The following WDFY3 variants were observed in gnomAD, a reference collection of about 807,000 sequenced individuals.
WDFY3 encodes the protein WD repeat and FYVE domain containing 3, also known as WD repeat and FYVE domain-containing protein 3.
A neutral mutation model predicts 409.6 loss-of-function variants in WDFY3; 66 were observed. The ratio of observed to expected loss-of-function variants is 0.16; its 90% CI spans 0.13 to 0.20. The LOEUF (loss-of-function observed/expected upper bound fraction) is 0.20. Ranked by LOEUF, WDFY3 falls within the 10% of genes least tolerant of loss-of-function variation. The pLI is 1.00. For missense variants in WDFY3, 3,031 were observed against 4,298.1 expected, an observed-to-expected ratio of 0.71 and a Z score of 8.24; for synonymous variants, 1,521 against 1,537.1, an observed-to-expected ratio of 0.99 and a Z score of 0.25.
chr4:84,850,216 T>C (rs1435041544), intron 4 of WDFY3, among the ~76,000 whole-genome samples, 191 bp from the exon 5 acceptor site: 1 of 152,222 alleles, frequency 6.6e-6, no homozygotes, highest in Non-Finnish European at 1.5e-5. Context: ...TCCTTTTACA[T>C]ATAAATTTGT....
chr4:84,966,022 C>A (rs1329597877), intron 1 of WDFY3, among the ~76,000 whole-genome samples, 187 bp downstream of exon 1: 1 of 151,940 alleles, frequency 6.6e-6, no homozygotes, highest in Non-Finnish European at 1.5e-5. Flanking sequence ...GGCGGCGGCT[C>A]CCGGCCAAGG....
At chr4:84,676,288 C>T (rs1057221731) in intron 67 of WDFY3, among the ~76,000 whole-genome samples, 3 of 152,290 alleles carry the variant, frequency 2.0e-5, no homozygotes, top group African/African-American at 7.2e-5. Flanking sequence ...TGTTGTCTCA[C>T]TAGCATTGCA....
chr4:84,844,623 C>T (rs903256529), intron 5 of WDFY3: 8 of 856,434 alleles, frequency 9.3e-6, no homozygotes, highest in African/African-American at 8.9e-5. Flanking sequence ...TGGATTGCTG[C>T]CCATATTGGG....
In WDFY3 at chr4:84,775,059, T is replaced by A. The variant is rs1406354996; in HGVS notation, c.4592+6A>T. The A allele has an allele frequency of 5.6e-6, 9 of 1,613,682 alleles. No individual in the cohort carries two copies. The highest frequency in any genetic ancestry group is 7.6e-6 in the Non-Finnish European group (9 of 1,179,800). On this transcript the variant is annotated splice_donor_region_variant and intron_variant, in intron 28 of 67. Coordinates refer to ENST00000295888, the MANE Select transcript of WDFY3 (RefSeq NM_014991.6). ...AATAATTAACTACGTGGGTATTAATTAATACCTGGACTCTGTGAGCAGTTC... is the reference window on the plus strand; with the variant it reads ...AATAATTAACTACGTGGGTATTAATAAATACCTGGACTCTGTGAGCAGTTC...
At chr4:84,954,035 C>T (rs557273079) in intron 1 of WDFY3, among the ~76,000 whole-genome samples, 22 of 152,174 alleles carry the variant, frequency 1.4e-4, no homozygotes, top group South Asian at 6.2e-4. Flanking sequence ...TTATTGAGGG[C>T]AGAACTACCC....
At chr4:84,716,176 G>A (rs931241190) in intron 49 of WDFY3, among the ~76,000 whole-genome samples, 25 of 152,052 alleles carry the variant, frequency 1.6e-4, no homozygotes, top group Admixed American at 1.5e-3. Flanking sequence ...GGTGGCTCAC[G>A]CCTGTAATCC....
At chr4:84,784,893 C>CAT (rs1747269251) in intron 24 of WDFY3, among the ~76,000 whole-genome samples, 1 of 31,162 alleles carries the variant, frequency 3.2e-5, no homozygotes, top group South Asian at 1.1e-3. Flanking sequence ...TATATATATA[C>CAT]ACACACACAC....
intron 8 of WDFY3, among the ~76,000 whole-genome samples, chr4:84,829,809 C>CAAAATAAATAAAT (rs1460276583): frequency 1.1e-4 from 1 of 9,506 alleles, no homozygotes; most frequent in Admixed American, 1.5e-3. Flanking sequence ...GAGACTGTCT[C>CAAAATAAATAAAT]AAAATAAATA....
chr4:84,706,069 C>T (rs977925002), intron 53 of WDFY3, among the ~76,000 whole-genome samples: 12 of 152,076 alleles, frequency 7.9e-5, no homozygotes, highest in Non-Finnish European at 1.5e-5. Flanking sequence ...AAGTAACTTC[C>T]CAATGAGATG....
At position 84,821,081 on chromosome 4, in the gene WDFY3, T is replaced by C; in HGVS notation, c.1591+3A>G. 1.3e-6 allele frequency: 2 copies of C among 1,598,324 alleles called. No individual in the cohort carries two copies. Among genetic ancestry groups the C allele is most frequent in the South Asian group, 1.1e-5 (1 of 88,846 alleles). On this transcript the variant is annotated splice_donor_region_variant and intron_variant, in intron 11 of 67. Transcript: ENST00000295888. ...AAAAATAAAATTACAGACAATACTTTACCTTGTTCATTTAGTGCCTGAGTT... is the reference window on the plus strand; with the variant it reads ...AAAAATAAAATTACAGACAATACTTCACCTTGTTCATTTAGTGCCTGAGTT...
intron 2 of WDFY3, among the ~76,000 whole-genome samples, chr4:84,923,880 TAC>T (rs1769624206): frequency 6.6e-6 from 1 of 152,124 alleles, no homozygotes; most frequent in Non-Finnish European, 1.5e-5. Context: ...GCACCCATAG[TAC>T]CAGCTATTCG....
In WDFY3 at chr4:84,779,452, G is replaced by A. The variant is rs185522309; in HGVS notation, c.4365+656C>T. Among the ~76,000 whole-genome samples, 1,207 of 147,072 alleles carry A rather than the reference G, an allele frequency of 8.2e-3. 10 individuals are homozygous for A. Among genetic ancestry groups the A allele is most frequent in the South Asian group, 0.013 (60 of 4,646 alleles). On this transcript the variant is annotated intron_variant, in intron 26 of 67. Coordinates refer to ENST00000295888, the MANE Select transcript of WDFY3 (RefSeq NM_014991.6). The stretch of plus-strand genomic sequence containing the variant: ...TTTTTTTTTTGAGTCTTGCTCCTTC[G>A]CCCAGGCTGGAATGCAATGGCGCAA...
At chr4:84,699,647 A>C (rs146127841) in intron 56 of WDFY3, among the ~76,000 whole-genome samples, 21 of 152,224 alleles carry the variant, frequency 1.4e-4, no homozygotes, top group Non-Finnish European at 2.9e-4. Context: ...ACAGTGGCTA[A>C]ACCATTTTAT....
rs1460098097 is a variant in WDFY3 at position 84,724,552 on chromosome 4, C to T, written c.7315G>A (p.Glu2439Lys). 2 of 1,613,908 alleles carry T rather than the reference C, an allele frequency of 1.2e-6. No individual in the cohort carries two copies. Among genetic ancestry groups the T allele is most frequent in the Non-Finnish European group, 1.7e-6 (2 of 1,179,968 alleles). ...CCAGAGGCCAGTCGCATGTAGTACT[C>T]TTTACTGTCATAACTTACGGCTCTT... is the stretch of plus-strand genomic sequence containing the variant. ...YRRAVSYDSK[E>K]YYMRLASGNP... Residue 2439 changes from glutamate to lysine, a missense_variant, in exon 46 of 68, where the codon GAG becomes AAG. Glu to Lys is a moderately conservative substitution (Grantham distance 56). This residue lies in a region of WDFY3 where 127 missense variants were observed against 144.4 expected (regional missense o/e 0.88). Transcript: ENST00000295888.
intron 4 of WDFY3, among the ~76,000 whole-genome samples, chr4:84,855,331 A>C (rs1759612876): frequency 6.6e-6 from 1 of 152,194 alleles, no homozygotes; most frequent in African/African-American, 2.4e-5. Context: ...CAAACTGTGC[A>C]TGAACCCTAT....
intron 4 of WDFY3, among the ~76,000 whole-genome samples, chr4:84,858,772 T>C (rs971133617): frequency 6.7e-5 from 10 of 149,618 alleles, no homozygotes; most frequent in African/African-American, 2.2e-4. Context: ...CAGTCAGAGA[T>C]TGGGGCACGG....
chr4:84,743,578 T>C, intron 37 of WDFY3, 122 bp downstream of exon 37: 2 of 532,118 alleles, frequency 3.8e-6, no homozygotes, highest in East Asian at 7.6e-5. Flanking sequence ...AAATATAATG[T>C]TGAGTATGAG....
At chr4:84,937,606 G>A (rs1406359481) in intron 1 of WDFY3, among the ~76,000 whole-genome samples, 1 of 152,096 alleles carries the variant, frequency 6.6e-6, no homozygotes, top group African/African-American at 2.4e-5. Context: ...CATCGAAGTA[G>A]CCAGAGTGAT....
intron 44 of WDFY3, among the ~76,000 whole-genome samples, chr4:84,729,469 T>C (rs572631876): frequency 4.9e-4 from 74 of 152,060 alleles, no homozygotes; most frequent in African/African-American, 1.8e-3. Flanking sequence ...TTTCCATATG[T>C]ACTTAATTTT....
Sources: allele counts gnomAD v4.1 joint callset (sites outside exome capture counted in the v4.1 genomes callset), GRCh38; gene constraint gnomAD v4.1.1; regional missense constraint gnomAD v4.1.1; transcripts MANE v1.5; gene names NCBI Gene and HGNC (gene_info 2026-07-23, HGNC 2026-07-21).